CMIP: variants seen among roughly 807,000 people sequenced by gnomAD.
CMIP encodes the protein c-Maf inducing protein, also known as C-Maf-inducing protein.
A neutral mutation model predicts 97.3 loss-of-function variants in CMIP; 13 were observed. The ratio of observed to expected loss-of-function variants is 0.13; its 90% CI spans 0.09 to 0.21. The LOEUF is 0.21. Among genes scored for constraint, CMIP ranks in the 10% least tolerant of loss-of-function variants. The pLI is 1.00. For synonymous variants in CMIP, 538 were observed against 436.3 expected (o/e 1.23, Z -2.91); for missense variants, 847 against 1,024.9 (o/e 0.83, Z 2.37).
intron 1 of CMIP, among the ~76,000 whole-genome samples, chr16:81,584,355 T>C (rs1414781748): frequency 6.6e-6 from 1 of 152,152 alleles, no homozygotes; most frequent in African/African-American, 2.4e-5. Context: ...CCGTAAATAT[T>C]TGATGAATGA....
chr16:81,536,110 T>C (rs536859636), intron 1 of CMIP, among the ~76,000 whole-genome samples: 1 of 152,276 alleles, frequency 6.6e-6, no homozygotes, highest in South Asian at 2.1e-4. Flanking sequence ...AGAGCAGCCA[T>C]AACCAGCCAG....
At chr16:81,538,790 A>G (rs1195892785) in intron 1 of CMIP, among the ~76,000 whole-genome samples, 4 of 152,194 alleles carry the variant, frequency 2.6e-5, no homozygotes, top group African/African-American at 9.7e-5. Context: ...AGACTTTGTT[A>G]TGATCTTCTC....
intron 13 of CMIP, among the ~76,000 whole-genome samples, chr16:81,694,209 C>T (rs1317073958): frequency 4.6e-5 from 7 of 152,330 alleles, no homozygotes; most frequent in Middle Eastern, 3.4e-3. Context: ...GTGCTGATAA[C>T]CATCTCACTG....
intron 1 of CMIP, among the ~76,000 whole-genome samples, chr16:81,597,766 A>C (rs1269614375): frequency 6.6e-6 from 1 of 152,152 alleles, no homozygotes; most frequent in Non-Finnish European, 1.5e-5. Context: ...TCAACTGTCA[A>C]AGATGCCCAG....
In CMIP at chr16:81,554,716, G is replaced by A. The variant is rs149656382; in HGVS notation, c.301-52851G>A. Reference sequence around the variant, plus strand: ...TTCTCTGGCTGTGTGACCCTGGGCAGGCAACTTTATTCTTCTCTGGGCCTC... The same window carrying A: ...TTCTCTGGCTGTGTGACCCTGGGCAAGCAACTTTATTCTTCTCTGGGCCTC... On this transcript the variant is annotated intron_variant, in intron 1 of 20. Coordinates refer to ENST00000537098, the MANE Select transcript of CMIP (RefSeq NM_198390.3). 1.2e-3 allele frequency among the ~76,000 whole-genome samples: 181 copies of A among 152,284 alleles called. 1 individual carries two copies. The highest frequency in any genetic ancestry group is 4.3e-3 in the African/African-American group (177 of 41,554).
At chr16:81,696,492 C>T (rs1906732183) in intron 13 of CMIP, 68 bp from the exon 14 acceptor site, 2 of 1,447,234 alleles carry the variant, frequency 1.4e-6, no homozygotes, top group East Asian at 2.4e-5. Flanking sequence ...TTCATGTGTG[C>T]AGATCATGGT....
chr16:81,675,433 G>A lies in CMIP; in HGVS notation c.1035-2842G>A, dbSNP rs373431966. 2.0e-5 allele frequency among the ~76,000 whole-genome samples: 3 copies of A among 150,044 alleles called. No homozygotes were observed. The East Asian group carries it at 5.9e-4, about 29-fold the overall frequency. On this transcript the variant is annotated intron_variant, in intron 9 of 20. Coordinates refer to ENST00000537098, the MANE Select transcript of CMIP (RefSeq NM_198390.3). ...GGGGTTTCGCCATGTTGGCCAGGCT[G>A]GTCTCAAACTCCTGGCCTCAAGTGA...
At chr16:81,518,592 C>A (rs1324560607) in intron 1 of CMIP, 1 of 152,378 alleles carries the variant, frequency 6.6e-6, no homozygotes, top group South Asian at 2.1e-4. Flanking sequence ...GTGTTTATTT[C>A]TGAGCAGCCC....
chr16:81,566,102 G>A (rs2090979017), intron 1 of CMIP, among the ~76,000 whole-genome samples: 1 of 152,238 alleles, frequency 6.6e-6, no homozygotes, highest in African/African-American at 2.4e-5. Flanking sequence ...GACAAGCGAG[G>A]CTTCTGCCAC....
chr16:81,601,668 T>A (rs994099707), intron 1 of CMIP, among the ~76,000 whole-genome samples: 1 of 152,072 alleles, frequency 6.6e-6, no homozygotes, highest in African/African-American at 2.4e-5. Context: ...ACTAGCTCCA[T>A]ATCTGTCCCC....
chr16:81,645,462 C>A, intron 3 of CMIP: 1 of 1,526,956 alleles, frequency 6.5e-7, no homozygotes, highest in Non-Finnish European at 8.8e-7. Flanking sequence ...CACTCCTCTC[C>A]TGGCAAGGGG....
intron 7 of CMIP, 37 bp downstream of exon 7, chr16:81,664,386 C>T: frequency 6.4e-7 from 1 of 1,561,320 alleles, no homozygotes; most frequent in Non-Finnish European, 8.7e-7. Flanking sequence ...ACCCCAGCGC[C>T]CAGAACATGA....
At chr16:81,449,886 C>T (rs1308894866) in intron 1 of CMIP, among the ~76,000 whole-genome samples, 2 of 152,248 alleles carry the variant, frequency 1.3e-5, no homozygotes, top group East Asian at 3.8e-4. Context: ...TTGATGCTCG[C>T]ATTTGCCTGG....
chr16:81,470,208 C>T (rs1419587343), intron 1 of CMIP, among the ~76,000 whole-genome samples: 3 of 152,260 alleles, frequency 2.0e-5, no homozygotes, highest in Non-Finnish European at 4.4e-5. Flanking sequence ...CCCCTGGCCT[C>T]AGCTCTCTGC....
At chr16:81,528,468 C>G (rs1298574190) in intron 1 of CMIP, among the ~76,000 whole-genome samples, 1 of 152,166 alleles carries the variant, frequency 6.6e-6, no homozygotes, top group African/African-American at 2.4e-5. Flanking sequence ...TTGATATGAC[C>G]AGAGGTGGAG....
At chr16:81,578,836 A>T (rs1157740041) in intron 1 of CMIP, among the ~76,000 whole-genome samples, 1 of 152,188 alleles carries the variant, frequency 6.6e-6, no homozygotes, top group Non-Finnish European at 1.5e-5. Flanking sequence ...ATTGCAGGGA[A>T]GCCTTCACTC....
intron 1 of CMIP, among the ~76,000 whole-genome samples, chr16:81,531,496 G>A (rs1401512507): frequency 1.3e-5 from 2 of 152,174 alleles, no homozygotes; most frequent in Non-Finnish European, 2.9e-5. Context: ...TCGATTCTAC[G>A]ACCCTACCCG....
chr16:81,627,357 A>G lies in CMIP; in HGVS notation c.477+6431A>G, dbSNP rs1046810387. Among the ~76,000 whole-genome samples the G allele has an allele frequency of 6.6e-6, 1 of 151,852 alleles. No individual in the cohort carries two copies. Among genetic ancestry groups the G allele is most frequent in the Non-Finnish European group, 1.5e-5 (1 of 67,928 alleles). Reference sequence around the variant, plus strand: ...TGGCGTCTCGTCACTGGGCCGTGTGAGGATCGAAGGCTGTGTTGTTTGTGC... The same window carrying G: ...TGGCGTCTCGTCACTGGGCCGTGTGGGGATCGAAGGCTGTGTTGTTTGTGC... On this transcript the variant is annotated intron_variant, in intron 3 of 20. Coordinates refer to ENST00000537098, the MANE Select transcript of CMIP (RefSeq NM_198390.3). This position sits in a 1 kb window ranked among gnomAD's most constrained non-coding sequence, Gnocchi z 4.6.
At chr16:81,584,466 T>C (rs974250503) in intron 1 of CMIP, among the ~76,000 whole-genome samples, 7 of 152,226 alleles carry the variant, frequency 4.6e-5, no homozygotes, top group African/African-American at 1.7e-4. Context: ...ATGTGTTTTA[T>C]GTGTGTATAT....
Sources: gnomAD v4.1 joint callset for allele counts (sites outside exome capture counted in the v4.1 genomes callset) on GRCh38, gnomAD v4.1.1 for gene constraint, Gnocchi (gnomAD v3.1) non-coding constraint, MANE v1.5 for transcripts, NCBI Gene and HGNC (gene_info 2026-07-23, HGNC 2026-07-21) for gene names.